TAFA2: variants seen among roughly 807,000 people sequenced by gnomAD.
TAFA2 encodes the protein chemokine-like protein TAFA-2.
In TAFA2, 7 loss-of-function variants were observed where a neutral mutation model predicts 18.8. The observed-to-expected ratio is 0.37, with a 90% CI of 0.21 to 0.70. The LOEUF (loss-of-function observed/expected upper bound fraction) is 0.70, where lower values mean the gene tolerates loss of function less well. Among genes scored for constraint, TAFA2 ranks in the 30% least tolerant of loss-of-function variants. TAFA2 has a pLI of 0.53. For missense variants in TAFA2, 122 were observed against 158.1 expected, an observed-to-expected ratio of 0.77 and a Z score of 1.23; for synonymous variants, 60 against 54.2, an observed-to-expected ratio of 1.11 and a Z score of -0.47.
intron 4 of TAFA2, among the ~76,000 whole-genome samples, chr12:61,739,781 G>A (rs1868370189): frequency 6.6e-6 from 1 of 151,940 alleles, no homozygotes; most frequent in Admixed American, 6.6e-5. Flanking sequence ...ATTTGCCTTC[G>A]GTAATCTCAC....
chr12:61,853,999 C>T lies in TAFA2; in HGVS notation c.106+13321G>A, dbSNP rs576552803. ...AAAAGAGAAAACCTAAATGTATTAA[C>T]ACTAGTGGTTCTCCAACAAGAGCCC... On this transcript the variant is annotated intron_variant, in intron 2 of 4. Transcript: ENST00000416284. 1.4e-3 allele frequency among the ~76,000 whole-genome samples: 208 copies of T among 152,252 alleles called. 2 individuals are homozygous for T. The highest frequency in any genetic ancestry group is 4.8e-3 in the African/African-American group (201 of 41,536).
intron 1 of TAFA2, among the ~76,000 whole-genome samples, chr12:62,240,423 A>G (rs1165530625): frequency 8.5e-5 from 5 of 58,540 alleles, no homozygotes; most frequent in East Asian, 4.6e-4. Flanking sequence ...TGTCTCAGGG[A>G]AAAAAAAAAA....
At chr12:61,988,008 GA>G (rs1879873875) in intron 1 of TAFA2, among the ~76,000 whole-genome samples, 1 of 152,138 alleles carries the variant, frequency 6.6e-6, no homozygotes, top group Non-Finnish European at 1.5e-5. Flanking sequence ...CTCTTCCACA[GA>G]AGACAAATAT....
At chr12:61,781,938 A>G (rs1479821048) in intron 2 of TAFA2, among the ~76,000 whole-genome samples, 2 of 151,664 alleles carry the variant, frequency 1.3e-5, no homozygotes, top group Non-Finnish European at 1.5e-5. Context: ...TCATTCACCA[A>G]TGAATAAAAT....
At chr12:62,014,262 T>C (rs1880857941) in intron 1 of TAFA2, among the ~76,000 whole-genome samples, 1 of 152,216 alleles carries the variant, frequency 6.6e-6, no homozygotes. Context: ...CAAAATTTAC[T>C]ACCCAATAAG....
Position 62,166,746 on chromosome 12 carries a change from T to C in TAFA2, c.-2+24513A>G, listed in dbSNP as rs141946289. Among the ~76,000 whole-genome samples the C allele has an allele frequency of 7.2e-5, 11 of 152,256 alleles. No individual in the cohort carries two copies. The East Asian group carries it at 2.1e-3, about 29-fold the overall frequency. On this transcript the variant is annotated intron_variant, in intron 1 of 4. Coordinates refer to ENST00000416284, the MANE Select transcript of TAFA2 (RefSeq NM_178539.5). ...TGTTCCAGTCACAAGTTCCACATAG[T>C]TAGAAGTTGAGCAACATGACCAATA...
intron 1 of TAFA2, among the ~76,000 whole-genome samples, chr12:61,869,970 C>T (rs1468386669): frequency 6.6e-6 from 1 of 152,188 alleles, no homozygotes; most frequent in Non-Finnish European, 1.5e-5. Context: ...CACATGGCCT[C>T]TGCTACAAGG....
intron 1 of TAFA2, among the ~76,000 whole-genome samples, chr12:61,983,503 G>A (rs1208724385): frequency 5.3e-5 from 8 of 152,026 alleles, no homozygotes; most frequent in African/African-American, 1.9e-4. Context: ...TGCCTCCCTG[G>A]TTCTAGTGAT....
rs902687128 is a variant in TAFA2 at position 61,811,570 on chromosome 12, G to A, written c.106+55750C>T. On this transcript the variant is annotated intron_variant, in intron 2 of 4. Transcript: ENST00000416284. The stretch of plus-strand genomic sequence containing the variant: ...CATATTAAAATCTAGTTGGGAACAT[G>A]AGCCATATACAAAAATAACCACTAT... Among the ~76,000 whole-genome samples, 61 of 151,452 alleles carry A rather than the reference G, an allele frequency of 4.0e-4. 2 individuals carry two copies. The highest frequency in any genetic ancestry group is 1.3e-3 in the African/African-American group (54 of 40,820).
rs551758919 is a variant in TAFA2 at position 61,725,128 on chromosome 12, T to C, written c.385-14711A>G. On this transcript the variant is annotated intron_variant, in intron 4 of 4. Coordinates refer to ENST00000416284, the MANE Select transcript of TAFA2 (RefSeq NM_178539.5). ...CTATTTATGTCCTTAGCCCACTTTT[T>C]GATGGGATTATTTGTTTCTTGATGA... Among the ~76,000 whole-genome samples, 118 of 152,234 alleles carry C rather than the reference T, an allele frequency of 7.8e-4. 4 individuals are homozygous for C. The South Asian group carries it at 0.024, about 32-fold the overall frequency.
intron 2 of TAFA2, among the ~76,000 whole-genome samples, chr12:61,787,931 C>G (rs1445312847): frequency 6.6e-6 from 1 of 151,584 alleles, no homozygotes; most frequent in Non-Finnish European, 1.5e-5. Flanking sequence ...AAAAACAAGA[C>G]TCAACTGTGT....
At position 61,764,230 on chromosome 12, in the gene TAFA2, T is replaced by TGATA. The variant is rs140276194; in HGVS notation, c.107-9210_107-9207dup. 3.6e-3 allele frequency among the ~76,000 whole-genome samples: 535 copies of TGATA among 150,138 alleles called. 5 individuals are homozygous for TGATA. Among genetic ancestry groups the TGATA allele is most frequent in the Non-Finnish European group, 4.6e-3 (311 of 67,640 alleles). On this transcript the variant is annotated intron_variant, in intron 2 of 4. Coordinates refer to ENST00000416284, the MANE Select transcript of TAFA2 (RefSeq NM_178539.5). The stretch of plus-strand genomic sequence containing the variant: ...GTCCATTTTAGATTAGATGATTGAT[T>TGATA]GATAGATAGATAGATAGATAGATAG...
intron 4 of TAFA2, among the ~76,000 whole-genome samples, chr12:61,729,854 A>T (rs1870357866): frequency 6.6e-6 from 1 of 152,030 alleles, no homozygotes; most frequent in East Asian, 1.9e-4. Context: ...TGGGTATACT[A>T]TGTCAGAGGA....
chr12:62,151,061 T>C (rs987592469), intron 1 of TAFA2, among the ~76,000 whole-genome samples: 1 of 152,210 alleles, frequency 6.6e-6, no homozygotes. Flanking sequence ...AATTTCTTTA[T>C]TTAGCCATTT....
intron 2 of TAFA2, among the ~76,000 whole-genome samples, chr12:61,863,690 G>A (rs894425924): frequency 6.6e-6 from 1 of 152,182 alleles, no homozygotes; most frequent in Non-Finnish European, 1.5e-5. Flanking sequence ...GCAGTAGAAC[G>A]TAGCTGCTGA....
In TAFA2 at chr12:61,884,202, T is replaced by C. The variant is rs370896081; in HGVS notation, c.-1-16776A>G. On this transcript the variant is annotated intron_variant, in intron 1 of 4. Coordinates refer to ENST00000416284, the MANE Select transcript of TAFA2 (RefSeq NM_178539.5). The stretch of plus-strand genomic sequence containing the variant: ...TTAAGCGGAGGAATAAGAGGTAAGC[T>C]TGAAACGATGGCGCTGACCCAGAAT... Among the ~76,000 whole-genome samples the C allele has an allele frequency of 8.5e-4, 130 of 152,276 alleles. 1 individual carries two copies. The highest frequency in any genetic ancestry group is 3.1e-3 in the African/African-American group (127 of 41,564).
At chr12:62,124,126 A>T (rs911432667) in intron 1 of TAFA2, among the ~76,000 whole-genome samples, 4 of 152,172 alleles carry the variant, frequency 2.6e-5, no homozygotes, top group Non-Finnish European at 5.9e-5. Flanking sequence ...TTTGTAGAAG[A>T]ATGGTAGAAT....
At chr12:61,715,595 G>T (rs139799573) in intron 4 of TAFA2, among the ~76,000 whole-genome samples, 2 of 151,416 alleles carry the variant, frequency 1.3e-5, no homozygotes, top group African/African-American at 4.9e-5. Context: ...CTCGTTATCC[G>T]CCCACCTCGG....
At chr12:61,951,089 C>T (rs897150632) in intron 1 of TAFA2, among the ~76,000 whole-genome samples, 1 of 151,680 alleles carries the variant, frequency 6.6e-6, no homozygotes, top group African/African-American at 2.4e-5. Flanking sequence ...GTTCCAGAGA[C>T]GAAAAAAGAT....
Sources: allele counts gnomAD v4.1 joint callset (sites outside exome capture counted in the v4.1 genomes callset), GRCh38; gene constraint gnomAD v4.1.1; transcripts MANE v1.5; gene names NCBI Gene and HGNC (gene_info 2026-07-23, HGNC 2026-07-21).